Variants in C8A observed in about 807,000 individuals in gnomAD.
C8A encodes the protein complement C8 alpha chain.
A neutral mutation model predicts 65.3 loss-of-function variants in C8A; 67 were observed. That is an observed-to-expected ratio of 1.03 (90% CI 0.84 to 1.26). The LOEUF is 1.26. C8A is among the 50% of genes most tolerant of loss of function. The pLI is 0.00. For missense variants in C8A, 781 were observed against 723.9 expected (o/e 1.08, Z -0.90); for synonymous variants, 290 against 259.4 (o/e 1.12, Z -1.13).
chr1:56,888,001 A>G (rs1167554549), intron 7 of C8A, among the ~76,000 whole-genome samples: 1 of 152,060 alleles, frequency 6.6e-6, no homozygotes, highest in African/African-American at 2.4e-5. Context: ...GGGCTAGGGG[A>G]GGGATAGCAT....
At chr1:56,862,852 T>C (rs1644047763) in intron 1 of C8A, among the ~76,000 whole-genome samples, 1 of 152,182 alleles carries the variant, frequency 6.6e-6, no homozygotes, top group Non-Finnish European at 1.5e-5. Flanking sequence ...CTTAAGTAAT[T>C]AAAAAATTTA....
chr1:56,878,903 G>T (rs1409235460), intron 4 of C8A, among the ~76,000 whole-genome samples: 1 of 152,106 alleles, frequency 6.6e-6, no homozygotes, highest in African/African-American at 2.4e-5. Flanking sequence ...ACATAAATGT[G>T]ATCATGCTAT....
chr1:56,881,970 T>A (rs1309861489), intron 5 of C8A, among the ~76,000 whole-genome samples: 1 of 152,176 alleles, frequency 6.6e-6, no homozygotes, highest in East Asian at 1.9e-4. Flanking sequence ...GCTAACTCAC[T>A]GCCCTCCTTG....
At chr1:56,885,829 C>A in intron 6 of C8A, 98 bp from the exon 7 acceptor site, 1 of 1,531,526 alleles carries the variant, frequency 6.5e-7, no homozygotes, top group Non-Finnish European at 9.0e-7. Flanking sequence ...GGATTACAGG[C>A]ATGAGCCACT....
intron 10 of C8A, among the ~76,000 whole-genome samples, chr1:56,914,136 A>G (rs1180983772): frequency 6.6e-6 from 1 of 152,234 alleles, no homozygotes; most frequent in African/African-American, 2.4e-5. Context: ...AAAGACTCAG[A>G]AAGGACAAGT....
At chr1:56,881,201 C>T (rs1222201679) in intron 4 of C8A, among the ~76,000 whole-genome samples, 2 of 152,214 alleles carry the variant, frequency 1.3e-5, no homozygotes, top group Non-Finnish European at 2.9e-5. Flanking sequence ...CCAGCTACAA[C>T]ATCTTTCAGA....
chr1:56,885,189 A>C (rs1426088513), intron 6 of C8A, among the ~76,000 whole-genome samples: 1 of 151,126 alleles, frequency 6.6e-6, no homozygotes, highest in East Asian at 1.9e-4. Context: ...GAAGTCTGGC[A>C]CACATTGGTG....
chr1:56,882,966 T>G (rs1269672773), intron 5 of C8A, among the ~76,000 whole-genome samples: 1 of 150,442 alleles, frequency 6.6e-6, no homozygotes, highest in East Asian at 1.9e-4. Flanking sequence ...AAGGCTTACT[T>G]CTTTGGCTCA....
intron 6 of C8A, 106 bp downstream of exon 6, chr1:56,883,787 C>T (rs1169133696): frequency 1.0e-6 from 1 of 995,194 alleles, no homozygotes; most frequent in South Asian, 1.5e-5. Flanking sequence ...CCTTAATTTG[C>T]TTGTGTAATT....
At chr1:56,887,666 A>G (rs1053494280) in intron 7 of C8A, among the ~76,000 whole-genome samples, 1 of 152,198 alleles carries the variant, frequency 6.6e-6, no homozygotes, top group African/African-American at 2.4e-5. Flanking sequence ...TTATTCTACT[A>G]TAAAGACAGA....
At position 56,867,653 on chromosome 1, in the gene C8A, T is replaced by C. The variant is rs145683405; in HGVS notation, c.122T>C (p.Leu41Pro). 6.8e-6 allele frequency: 11 copies of C among 1,614,000 alleles called. No homozygotes were observed. Among genetic ancestry groups the C allele is most frequent in the African/African-American group, 1.3e-5 (1 of 75,036 alleles). ...AATPAAVTCQ[L>P]SNWSEWTDCF... is the part of the protein sequence containing the mutation. Reference sequence around the variant, plus strand: ...ACACCCGCAGCAGTTACCTGCCAGCTGAGCAACTGGTCAGAGTGGACAGAT... The same window carrying C: ...ACACCCGCAGCAGTTACCTGCCAGCCGAGCAACTGGTCAGAGTGGACAGAT... The change falls in exon 2 of 11, where the codon CTG (leucine) becomes CCG (proline). Residue 41 changes from leucine (L) to proline (P), a missense_variant. Leu to Pro is a moderately conservative substitution (Grantham distance 98). Coordinates refer to ENST00000361249, the MANE Select transcript of C8A (RefSeq NM_000562.3).
At position 56,874,970 on chromosome 1, in the gene C8A, C is replaced by T; in HGVS notation, c.193C>T (p.Gln65Ter). The part of the protein sequence containing the change: ...DKKYRHRSLL[Q>*]PNKFGGTICS... The stretch of plus-strand genomic sequence containing the variant: ...TTAGTACCGACACCGGAGCCTCTTG[C>T]AGCCAAACAAGTTTGGGGGAACCAT... Residue 65 changes from glutamine (Q) to a stop codon, truncating the protein, a stop_gained, in exon 3 of 11, where the codon CAG (glutamine) becomes TAG (stop). Coordinates refer to ENST00000361249, the MANE Select transcript of C8A (RefSeq NM_000562.3). LOFTEE classifies it high-confidence loss of function. 1 of 1,613,704 alleles carries T rather than the reference C, an allele frequency of 6.2e-7. No homozygotes were observed. The highest frequency in any genetic ancestry group is 1.1e-5 in the South Asian group (1 of 91,048).
At chr1:56,863,637 C>A (rs1280060380) in intron 1 of C8A, among the ~76,000 whole-genome samples, 1 of 152,192 alleles carries the variant, frequency 6.6e-6, no homozygotes, top group African/African-American at 2.4e-5. Context: ...TCCAATTCGC[C>A]ATGTTCCCCC....
In C8A at chr1:56,908,001, T is replaced by TA; in HGVS notation, c.1268_1269insA (p.Arg424AlafsTer30). The TA allele has an allele frequency of 6.2e-7, 1 of 1,614,150 alleles. No individual in the cohort carries two copies. The highest frequency in any genetic ancestry group is 8.5e-7 in the Non-Finnish European group (1 of 1,180,004). On this transcript the variant is annotated frameshift_variant, in exon 9 of 11. Coordinates refer to ENST00000361249, the MANE Select transcript of C8A (RefSeq NM_000562.3). LOFTEE classifies it high-confidence loss of function. ...GCTGTGGAAGACATTATTTCTCGGG[T>TA]GCGAGGTGGCAGTTCTGGCTGGAGC...
chr1:56,904,048 C>G (rs1277863948), intron 7 of C8A, among the ~76,000 whole-genome samples: 1 of 152,162 alleles, frequency 6.6e-6, no homozygotes. Flanking sequence ...TATAGTCAGT[C>G]TATCCACACT....
At chr1:56,888,123 A>G (rs539375623) in intron 7 of C8A, among the ~76,000 whole-genome samples, 90 of 152,246 alleles carry the variant, frequency 5.9e-4, no homozygotes, top group Non-Finnish European at 1.1e-3. Flanking sequence ...CCAGAACTTA[A>G]AGTATATAAA....
intron 1 of C8A, among the ~76,000 whole-genome samples, chr1:56,857,175 T>C (rs1643984914): frequency 6.6e-6 from 1 of 152,048 alleles, no homozygotes; most frequent in Non-Finnish European, 1.5e-5. Flanking sequence ...TTAATGTCAC[T>C]CAAGTTTTCA....
chr1:56,917,309 C>T (rs779892004), intron 10 of C8A, among the ~76,000 whole-genome samples: 2 of 152,220 alleles, frequency 1.3e-5, no homozygotes, highest in African/African-American at 2.4e-5. Context: ...CTGGACAGAG[C>T]CCCCAGGGGC....
chr1:56,875,696 GAGGTAGGTGATGGGT>G (rs1376181420), intron 3 of C8A, among the ~76,000 whole-genome samples: 2 of 152,170 alleles, frequency 1.3e-5, no homozygotes, highest in Non-Finnish European at 2.9e-5. Context: ...TTTTGGAAGA[GAGGTAGGTGATGGGT>G]AGGTAGGTGA....
Sources: gnomAD v4.1 joint callset for allele counts (sites outside exome capture counted in the v4.1 genomes callset) on GRCh38, gnomAD v4.1.1 for gene constraint, MANE v1.5 for transcripts, NCBI Gene and HGNC (gene_info 2026-07-23, HGNC 2026-07-21) for gene names.